The following ALDH4A1 variants were observed in gnomAD, a reference collection of about 807,000 sequenced individuals.
ALDH4A1 encodes the protein delta-1-pyrroline-5-carboxylate dehydrogenase, mitochondrial.
In ALDH4A1, 46 loss-of-function variants were observed where a neutral mutation model predicts 70.5. The ratio of observed to expected loss-of-function variants is 0.65; its 90% CI spans 0.51 to 0.83. The LOEUF (loss-of-function observed/expected upper bound fraction) is 0.83. ALDH4A1 is among the 40% of genes least tolerant of loss of function. The probability of loss-of-function intolerance (pLI) is 0.00; values close to 1 mark genes in which losing one functional copy is unlikely to be tolerated. For missense variants in ALDH4A1, 749 were observed against 766.5 expected, an observed-to-expected ratio of 0.98 and a Z score of 0.27; for synonymous variants, 323 against 324.3, an observed-to-expected ratio of 1.00 and a Z score of 0.04.
At chr1:18,887,284 C>T (rs1208152964) in intron 3 of ALDH4A1, among the ~76,000 whole-genome samples, 1 of 152,254 alleles carries the variant, frequency 6.6e-6, no homozygotes, top group African/African-American at 2.4e-5. Context: ...GACCGCAAGG[C>T]GGACGAAGGC....
intron 13 of ALDH4A1, 47 bp from the exon 14 acceptor site, chr1:18,874,628 C>G (rs1934592405): frequency 1.9e-6 from 3 of 1,582,750 alleles, no homozygotes; most frequent in East Asian, 4.5e-5. Context: ...CATCTCCCCT[C>G]CAGCCCCAGC....
chr1:18,872,620 G>A lies in ALDH4A1; in HGVS notation c.*225C>T. The A allele has an allele frequency of 2.1e-6, 1 of 471,920 alleles. No individual in the cohort carries two copies. Among genetic ancestry groups the A allele is most frequent in the Non-Finnish European group, 3.8e-6 (1 of 262,830 alleles). The allele number at this position is 471,920 out of a possible 1,614,324, so 29.2% of individuals were successfully genotyped here. ...GCACCAGGGTCATACCTCCCACATG[G>A]CCGATGGGATAAGGGGTAGTGGCCA... On this transcript the variant is annotated 3_prime_UTR_variant, in exon 15 of 15. Transcript: ENST00000375341.
Position 18,902,478 on chromosome 1 carries a change from G to C in ALDH4A1, c.46C>G (p.Pro16Ala). ...CTCACTCACCCGGCCCCGGTCCAGGGGCGGGACAGCAGGGCGCGGCGGAGC... is the reference window on the plus strand; with the variant it reads ...CTCACTCACCCGGCCCCGGTCCAGGCGCGGGACAGCAGGGCGCGGCGGAGC... ...PALRRALLSR[P>A]WTGAGLRWKH... Residue 16 changes from proline to alanine, a missense_variant, in exon 1 of 15, where the codon CCC (proline) becomes GCC (alanine). By Grantham distance (27) the Pro-to-Ala change is conservative. Transcript: ENST00000375341. 2.1e-6 allele frequency: 3 copies of C among 1,451,202 alleles called. No individual in the cohort carries two copies. The highest frequency in any genetic ancestry group is 2.7e-6 in the Non-Finnish European group (3 of 1,101,366). The allele number at this position is 1,451,202 out of a possible 1,614,324, so 89.9% of individuals were successfully genotyped here.
At position 18,875,499 on chromosome 1, in the gene ALDH4A1, ATC is replaced by A; in HGVS notation, c.1341_1342del (p.Glu447AspfsTer14). 1 of 1,613,966 alleles carries A rather than the reference ATC, an allele frequency of 6.2e-7. No individual in the cohort carries two copies. Among genetic ancestry groups the A allele is most frequent in the South Asian group, 1.1e-5 (1 of 91,070 alleles). ...GTACACAGACAGTACAGGCCCGAAG[ATC>A]TCCTAGGAGAGAGGCCCCGGCGTCA... On this transcript the variant is annotated frameshift_variant and splice_region_variant, in exon 13 of 15. Transcript: ENST00000375341. LOFTEE classifies it high-confidence loss of function.
chr1:18,894,697 C>G (rs1255562251), intron 1 of ALDH4A1, among the ~76,000 whole-genome samples: 1 of 152,184 alleles, frequency 6.6e-6, no homozygotes, highest in Middle Eastern at 3.2e-3. Flanking sequence ...GCCCCCACGG[C>G]TTTCCCTGTG....
rs199643601 is a variant in ALDH4A1, at chr1:18,883,143, G to A, written c.659C>T (p.Ala220Val). The A allele has an allele frequency of 2.8e-5, 45 of 1,613,038 alleles. No individual in the cohort carries two copies. The highest frequency in any genetic ancestry group is 3.1e-5 in the Non-Finnish European group (36 of 1,180,058). ...FNFTAIGGNL[A>V]GAPALMGNVV... is the part of the protein sequence containing the mutation. ...TCTCACCATCAGGGCCGGTGCCCCCGCCAGGTTGCCGCCGATTGCAGTGAA... is the reference window on the plus strand; with the variant it reads ...TCTCACCATCAGGGCCGGTGCCCCCACCAGGTTGCCGCCGATTGCAGTGAA... The change falls in exon 7 of 15, where the codon GCG (alanine) becomes GTG (valine). Residue 220 changes from alanine (A) to valine (V), a missense_variant. Transcript: ENST00000375341.
intron 3 of ALDH4A1, among the ~76,000 whole-genome samples, chr1:18,886,829 T>C (rs1410320290): frequency 6.6e-6 from 1 of 152,238 alleles, no homozygotes; most frequent in Non-Finnish European, 1.5e-5. Flanking sequence ...GTTCGAATCC[T>C]GGCTCTGCCA....
intron 1 of ALDH4A1, among the ~76,000 whole-genome samples, chr1:18,897,948 G>T (rs1459435415): frequency 6.6e-6 from 1 of 152,204 alleles, no homozygotes; most frequent in Non-Finnish European, 1.5e-5. Flanking sequence ...GCCAGGAAAG[G>T]GAAGGTTTGG....
rs753150088 is a variant in ALDH4A1 at position 18,883,193 on chromosome 1, G to A, written c.609C>T (p.Phe203=). The stretch of plus-strand genomic sequence containing the variant: ...AGTTAAAGGGCGAGATGGCCGCCAC[G>A]AAGCCCTGGGGAAGGAGGCAGCGGT... The part of the protein sequence containing the change: ...NSTVYRGLEG[F]VAAISPFNFT... Residue 203 remains phenylalanine (F), a synonymous_variant, in exon 7 of 15, where the codon TTC becomes TTT. Coordinates refer to ENST00000375341, the MANE Select transcript of ALDH4A1 (RefSeq NM_003748.4). 95 of 1,613,070 alleles carry A rather than the reference G, an allele frequency of 5.9e-5. No homozygotes were observed. Among genetic ancestry groups the A allele is most frequent in the Admixed American group, 8.3e-5 (5 of 60,010 alleles).
In ALDH4A1 at chr1:18,875,522, C is replaced by G; in HGVS notation, c.1339-19G>C. 2 of 1,613,856 alleles carry G rather than the reference C, an allele frequency of 1.2e-6. No homozygotes were observed. The highest frequency in any genetic ancestry group is 1.7e-6 in the Non-Finnish European group (2 of 1,179,908). ...AGATCTCCTAGGAGAGAGGCCCCGG[C>G]GTCAGACCCTCCACGGGACCAGGGA... On this transcript the variant is annotated intron_variant, in intron 12 of 14. Coordinates refer to ENST00000375341, the MANE Select transcript of ALDH4A1 (RefSeq NM_003748.4).
chr1:18,882,762 T>C (rs1935033179), intron 7 of ALDH4A1: 1 of 584,066 alleles, frequency 1.7e-6, no homozygotes. Context: ...GTAATGATCA[T>C]CAACAGAGCC....
chr1:18,882,359 G>A (rs566339909), intron 7 of ALDH4A1, among the ~76,000 whole-genome samples: 8 of 152,184 alleles, frequency 5.3e-5, no homozygotes, highest in South Asian at 2.1e-4. Flanking sequence ...TACACACTCC[G>A]GCATCAGCAT....
At chr1:18,882,514 A>G (rs1294082038) in intron 7 of ALDH4A1, 1 of 516,412 alleles carries the variant, frequency 1.9e-6, no homozygotes, top group Non-Finnish European at 4.0e-6. Flanking sequence ...ATGGCAGAGG[A>G]GTGACTTGAA....
At chr1:18,901,291 G>A (rs1935790152) in intron 1 of ALDH4A1, among the ~76,000 whole-genome samples, 2 of 152,210 alleles carry the variant, frequency 1.3e-5, no homozygotes, top group African/African-American at 4.8e-5. Flanking sequence ...ACACACAGCA[G>A]TGTTGCAACT....
intron 3 of ALDH4A1, among the ~76,000 whole-genome samples, chr1:18,887,196 CG>C (rs1557621563): frequency 6.6e-6 from 1 of 152,256 alleles, no homozygotes; most frequent in East Asian, 1.9e-4. Flanking sequence ...GTCAGCTCCC[CG>C]CTATTTTGCA....
chr1:18,892,607 G>A (rs1935482304), intron 1 of ALDH4A1, among the ~76,000 whole-genome samples: 1 of 151,818 alleles, frequency 6.6e-6, no homozygotes, highest in African/African-American at 2.4e-5. Flanking sequence ...GGGAGAGGCA[G>A]GGGCAGGGCA....
chr1:18,882,396 T>A (rs989430244), intron 7 of ALDH4A1, among the ~76,000 whole-genome samples: 1 of 152,112 alleles, frequency 6.6e-6, no homozygotes, highest in Non-Finnish European at 1.5e-5. Context: ...GGGCTCGGGG[T>A]TCCCGACAAC....
At chr1:18,896,962 C>A in intron 1 of ALDH4A1, 1 of 438,670 alleles carries the variant, frequency 2.3e-6, no homozygotes, top group South Asian at 1.8e-5. Context: ...CAGCAAACAT[C>A]AGGCAACATT....
At position 18,875,478 on chromosome 1, in the gene ALDH4A1, A is replaced by G; in HGVS notation, c.1364T>C (p.Val455Ala). ...GTACTTGTCATCCGGGTAGACGTACACAGACAGTACAGGCCCGAAGATCTC... is the reference window on the plus strand; with the variant it reads ...GTACTTGTCATCCGGGTAGACGTACGCAGACAGTACAGGCCCGAAGATCTC... Reference protein sequence around the residue: ...KEEIFGPVLSVYVYPDDKYKE... With the variant: ...KEEIFGPVLSAYVYPDDKYKE... The change falls in exon 13 of 15, where the codon GTG becomes GCG. Residue 455 changes from valine to alanine, a missense_variant. Val to Ala is a moderately conservative substitution (Grantham distance 64). Coordinates refer to ENST00000375341, the MANE Select transcript of ALDH4A1 (RefSeq NM_003748.4). 1 of 1,614,130 alleles carries G rather than the reference A, an allele frequency of 6.2e-7. No individual in the cohort carries two copies. Among genetic ancestry groups the G allele is most frequent in the Non-Finnish European group, 8.5e-7 (1 of 1,180,006 alleles).
Sources: allele counts gnomAD v4.1 joint callset (sites outside exome capture counted in the v4.1 genomes callset), GRCh38; gene constraint gnomAD v4.1.1; transcripts MANE v1.5; gene names NCBI Gene and HGNC (gene_info 2026-07-23, HGNC 2026-07-21).